TLE4: variants seen among roughly 807,000 people sequenced by gnomAD.
The protein encoded by TLE4 is transducin-like enhancer protein 4.
A neutral mutation model predicts 92.8 loss-of-function variants in TLE4; 8 were observed. The ratio of observed to expected loss-of-function variants is 0.09; its 90% CI spans 0.05 to 0.16. The LOEUF (loss-of-function observed/expected upper bound fraction) is 0.16. Among genes scored for constraint, TLE4 ranks in the 10% least tolerant of loss-of-function variants. The pLI is 1.00. For missense variants in TLE4, 675 were observed against 997.6 expected (o/e 0.68, Z 4.36); for synonymous variants, 371 against 374.1 (o/e 0.99, Z 0.10).
intron 4 of TLE4, among the ~76,000 whole-genome samples, chr9:79,582,909 G>A (rs545694889): frequency 6.1e-4 from 93 of 152,238 alleles, no homozygotes; most frequent in Non-Finnish European, 1.1e-3. Context: ...TTACGCATGG[G>A]CAATGGAGTA....
At chr9:79,719,067 T>C (rs1050953724) in intron 15 of TLE4, 96 bp downstream of exon 15, 105 of 1,488,386 alleles carry the variant, frequency 7.1e-5, no homozygotes, top group Non-Finnish European at 8.7e-5. Flanking sequence ...CACACAGTAT[T>C]GATCCCAGGT....
chr9:79,711,862 A>G (rs558772611), intron 14 of TLE4, among the ~76,000 whole-genome samples: 8 of 152,346 alleles, frequency 5.3e-5, no homozygotes, highest in African/African-American at 1.9e-4. Flanking sequence ...AGTCACATCT[A>G]CTGCAGTTGG....
At chr9:79,587,477 C>A (rs927379047) in intron 4 of TLE4, among the ~76,000 whole-genome samples, 1 of 152,156 alleles carries the variant, frequency 6.6e-6, no homozygotes, top group Non-Finnish European at 1.5e-5. Context: ...GTTTAAATGA[C>A]CAGCTTAAAA....
chr9:79,615,913 A>C (rs2049471386), intron 5 of TLE4, among the ~76,000 whole-genome samples: 2 of 152,292 alleles, frequency 1.3e-5, no homozygotes, highest in South Asian at 4.1e-4. Context: ...AACTCTTGTC[A>C]TTAAAAGTGA....
intron 6 of TLE4, among the ~76,000 whole-genome samples, chr9:79,638,456 C>A (rs374596970): frequency 1.2e-4 from 18 of 152,112 alleles, no homozygotes; most frequent in African/African-American, 3.9e-4. Context: ...GCCTTTGACC[C>A]CAACCTCTTA....
At chr9:79,620,671 A>G (rs1450349245) in intron 5 of TLE4, among the ~76,000 whole-genome samples, 1 of 152,206 alleles carries the variant, frequency 6.6e-6, no homozygotes, top group Non-Finnish European at 1.5e-5. Context: ...AGTAATATCT[A>G]AAGTAATATC....
intron 4 of TLE4, among the ~76,000 whole-genome samples, chr9:79,595,987 C>T (rs1233657070): frequency 2.0e-5 from 3 of 151,906 alleles, no homozygotes; most frequent in Non-Finnish European, 4.4e-5. Context: ...GCTGGGACTA[C>T]AGGCGCCCAC....
At chr9:79,709,855 A>G (rs567546782) in intron 14 of TLE4, among the ~76,000 whole-genome samples, 156 bp downstream of exon 14, 1 of 152,334 alleles carries the variant, frequency 6.6e-6, no homozygotes, top group East Asian at 1.9e-4. Context: ...TTAGCACAAG[A>G]AGAGAAGTAA....
Position 79,631,629 on chromosome 9 carries a change from T to TGTGG in TLE4, c.390+4184_390+4185insGGTG, listed in dbSNP as rs2054251086. On this transcript the variant is annotated intron_variant, in intron 6 of 19. Coordinates refer to ENST00000376552, the MANE Select transcript of TLE4 (RefSeq NM_007005.6). Reference sequence around the variant, plus strand: ...ATTGAACCTTAAATGTGTGTGTGTGTGTGTGTGTGTGTGTGTGTGTGTGTG... The same window carrying TGTGG: ...ATTGAACCTTAAATGTGTGTGTGTGTGTGGGTGTGTGTGTGTGTGTGTGTGTGTG... Among the ~76,000 whole-genome samples the TGTGG allele has an allele frequency of 1.4e-5, 2 of 144,802 alleles. 1 individual carries two copies. Among genetic ancestry groups the TGTGG allele is most frequent in the Non-Finnish European group, 3.0e-5 (2 of 67,252 alleles). 95.0% of individuals were successfully genotyped at this position (144,802 alleles called of 152,430 possible).
At chr9:79,652,533 T>G (rs2059190446) in intron 6 of TLE4, 60 bp from the exon 7 acceptor site, 2 of 1,587,496 alleles carry the variant, frequency 1.3e-6, no homozygotes, top group Admixed American at 3.3e-5. Context: ...TCTGTTTCTC[T>G]TGGGGCAGGG....
At chr9:79,574,321 T>G (rs537645337) in intron 2 of TLE4, 1 of 152,512 alleles carries the variant, frequency 6.6e-6, no homozygotes, top group South Asian at 2.1e-4. Context: ...TGCCTAATTC[T>G]TATTTCATAA....
chr9:79,685,909 A>G (rs1028630087), intron 8 of TLE4, among the ~76,000 whole-genome samples: 22 of 152,320 alleles, frequency 1.4e-4, no homozygotes, highest in Non-Finnish European at 7.4e-5. Context: ...CCAAGTACAG[A>G]TGGCCCTCTA....
intron 6 of TLE4, among the ~76,000 whole-genome samples, chr9:79,651,142 A>G (rs570208034): frequency 1.3e-5 from 2 of 152,004 alleles, no homozygotes; most frequent in South Asian, 2.1e-4. Flanking sequence ...CTATTTGGCT[A>G]TCACAGGTTA....
In TLE4 at chr9:79,643,674, A is replaced by C. The variant is rs533266060; in HGVS notation, c.391-8919A>C. On this transcript the variant is annotated intron_variant, in intron 6 of 19. Coordinates refer to ENST00000376552, the MANE Select transcript of TLE4 (RefSeq NM_007005.6). ...TTAAGTGTTTTTAGTAGGAATACTA[A>C]CTAGGTGATGTGTATTTCCAGTTGT... Among the ~76,000 whole-genome samples, 3 of 152,152 alleles carry C rather than the reference A, an allele frequency of 2.0e-5. No individual in the cohort carries two copies. The East Asian group carries it at 5.8e-4, about 29-fold the overall frequency.
At chr9:79,678,031 A>G (rs1034956449) in intron 8 of TLE4, among the ~76,000 whole-genome samples, 12 of 152,154 alleles carry the variant, frequency 7.9e-5, no homozygotes, top group African/African-American at 2.9e-4. Context: ...GAGTGATGTC[A>G]TTGCTAAACA....
At chr9:79,600,372 T>C (rs2045305961) in intron 4 of TLE4, among the ~76,000 whole-genome samples, 1 of 152,186 alleles carries the variant, frequency 6.6e-6, no homozygotes, top group African/African-American at 2.4e-5. Flanking sequence ...TTGTTTTTTC[T>C]GATTTCTCAG....
rs1025989800 is a variant in TLE4 at position 79,627,433 on chromosome 9, G to C, written c.375G>C (p.Leu125=). 1 of 1,614,198 alleles carries C rather than the reference G, an allele frequency of 6.2e-7. No homozygotes were observed. The highest frequency in any genetic ancestry group is 8.5e-7 in the Non-Finnish European group (1 of 1,180,016). The part of the protein sequence containing the change: ...ERAKQVTMAE[L]NAIIGQQLQA... ...CCAAGCAGGTGACCATGGCAGAACT[G>C]AACGCCATCATTGGGGTACGTGGCC... Residue 125 remains leucine, a synonymous_variant, in exon 6 of 20, where the codon CTG becomes CTC. Coordinates refer to ENST00000376552, the MANE Select transcript of TLE4 (RefSeq NM_007005.6).
Position 79,594,513 on chromosome 9 carries a change from A to AT in TLE4, c.253-18132dup, listed in dbSNP as rs74532491. ...ATCTTTATTTTTGTTTTTGTTTTGT[A>AT]TTTTTTTTTTTGGGAGATTCATGCA... is the stretch of plus-strand genomic sequence containing the variant. On this transcript the variant is annotated intron_variant, in intron 4 of 19. Coordinates refer to ENST00000376552, the MANE Select transcript of TLE4 (RefSeq NM_007005.6). Among the ~76,000 whole-genome samples, 402 of 146,076 alleles carry AT rather than the reference A, an allele frequency of 2.8e-3. 3 individuals carry two copies. Among genetic ancestry groups the AT allele is most frequent in the East Asian group, 4.0e-3 (20 of 5,008 alleles).
intron 8 of TLE4, among the ~76,000 whole-genome samples, chr9:79,701,167 T>TC (rs1399631805): frequency 6.6e-6 from 1 of 152,184 alleles, no homozygotes; most frequent in African/African-American, 2.4e-5. Flanking sequence ...CTGTGCCAAG[T>TC]CCAATTTGAT....
Sources: gnomAD v4.1 joint callset for allele counts (sites outside exome capture counted in the v4.1 genomes callset) on GRCh38, gnomAD v4.1.1 for gene constraint, MANE v1.5 for transcripts, NCBI Gene and HGNC (gene_info 2026-07-23, HGNC 2026-07-21) for gene names.